The following RPN1 variants were observed in gnomAD, a reference collection of about 807,000 sequenced individuals.
The protein encoded by RPN1 is ribophorin I.
Under a neutral mutation model 55.5 loss-of-function variants are expected in RPN1, and 12 were observed. That is an observed-to-expected ratio of 0.22 (90% CI 0.14 to 0.35). RPN1 has a LOEUF of 0.35. Ranked by LOEUF, RPN1 falls within the 10% of genes least tolerant of loss-of-function variation. The pLI, the probability that RPN1 is intolerant of heterozygous loss-of-function variation, is 1.00. For synonymous variants in RPN1, 317 were observed against 305.9 expected (o/e 1.04, Z -0.38); for missense variants, 679 against 761.3 (o/e 0.89, Z 1.27).
intron 8 of RPN1, among the ~76,000 whole-genome samples, chr3:128,624,875 A>G (rs768662606): frequency 6.6e-6 from 1 of 151,738 alleles, no homozygotes; most frequent in Non-Finnish European, 1.5e-5. Flanking sequence ...CACATTCCAC[A>G]GTCCTCAAGC....
At chr3:128,645,690 G>A (rs183530766) in intron 1 of RPN1, among the ~76,000 whole-genome samples, 5 of 151,790 alleles carry the variant, frequency 3.3e-5, no homozygotes, top group Admixed American at 1.3e-4. Context: ...GGTGGCGCTC[G>A]CCTGTTGTCC....
chr3:128,636,392 C>T (rs1362311947), intron 3 of RPN1, among the ~76,000 whole-genome samples: 2 of 151,354 alleles, frequency 1.3e-5, no homozygotes, highest in Non-Finnish European at 2.9e-5. Context: ...ACCCAGGAGG[C>T]AGAGGTTGCG....
intron 2 of RPN1, 123 bp downstream of exon 2, chr3:128,644,795 CA>C (rs146448705): frequency 2.4e-3 from 1,315 of 540,344 alleles, no homozygotes; most frequent in South Asian, 3.2e-3. Flanking sequence ...CTCCTCTCTA[CA>C]AAAAAAAAAC....
rs1560019061 is a variant in RPN1 at position 128,620,215 on chromosome 3, A to ATTT, written c.*195_*196insAAA. 22 of 264,372 alleles carry ATTT rather than the reference A, an allele frequency of 8.3e-5. No individual in the cohort carries two copies. Among genetic ancestry groups the ATTT allele is most frequent in the African/African-American group, 5.1e-4 (22 of 42,922 alleles). 16.4% of individuals were successfully genotyped at this position (264,372 alleles called of 1,614,324 possible). A position where few individuals can be genotyped will look rare whatever the true frequency, so the allele number is the denominator to read the frequency against. ...GTTTTTTTAAAGTTTTCTTTTTTTA[A>ATTT]AAAAAAAAAAAAAGAAAGTTAAGGA... On this transcript the variant is annotated 3_prime_UTR_variant, in exon 10 of 10. Transcript: ENST00000296255.
At chr3:128,646,667 CA>C (rs879847105) in intron 1 of RPN1, among the ~76,000 whole-genome samples, 1 of 149,442 alleles carries the variant, frequency 6.7e-6, no homozygotes, top group Non-Finnish European at 1.5e-5. Flanking sequence ...GCCTGGGCGA[CA>C]AGAGTGAAAC....
chr3:128,626,164 A>G, intron 6 of RPN1, 152 bp from the exon 7 acceptor site: 3 of 752,336 alleles, frequency 4.0e-6, no homozygotes, highest in African/African-American at 1.8e-5. Context: ...GAGAACACCC[A>G]CTCTCTTGAG....
intron 1 of RPN1, among the ~76,000 whole-genome samples, chr3:128,648,389 G>A (rs1173445700): frequency 6.6e-6 from 1 of 151,126 alleles, no homozygotes; most frequent in Non-Finnish European, 1.5e-5. Flanking sequence ...GCAAGACTCT[G>A]CATCAAAAAA....
intron 2 of RPN1, chr3:128,644,447 C>T (rs1056501006): frequency 3.3e-6 from 1 of 303,366 alleles, no homozygotes; most frequent in African/African-American, 2.2e-5. Flanking sequence ...AGTTCAAGAC[C>T]AGCCTGGGTG....
chr3:128,649,992 A>ATG (rs2069803422), intron 1 of RPN1, among the ~76,000 whole-genome samples: 1 of 152,226 alleles, frequency 6.6e-6, no homozygotes, highest in African/African-American at 2.4e-5. Context: ...ATGGTTCTCT[A>ATG]TGTCTAGAAA....
At chr3:128,644,742 T>G (rs2069753995) in intron 2 of RPN1, 177 bp downstream of exon 2, 2 of 649,114 alleles carry the variant, frequency 3.1e-6, no homozygotes, top group Non-Finnish European at 5.6e-6. Flanking sequence ...AAGGATGGCT[T>G]GAGCTCAGGA....
Position 128,622,322 on chromosome 3 carries a change from G to T in RPN1, c.1483C>A (p.His495Asn), listed in dbSNP as rs2069566358. 1.3e-5 allele frequency: 21 copies of T among 1,614,244 alleles called. No homozygotes were observed. The highest frequency in any genetic ancestry group is 1.6e-5 in the Non-Finnish European group (19 of 1,180,052). Residue 495 changes from histidine to asparagine, a missense_variant, in exon 9 of 10, where the codon CAC becomes AAC. His to Asn is a moderately conservative substitution (Grantham distance 68). Around this residue, in one of 3 missense-constraint regions of RPN1, gnomAD observed 306 missense variants for 360.0 expected, o/e 0.85. Transcript: ENST00000296255. ...TACCTATTGACGGTCTCGTCAAAGT[G>T]ACGGTAAAGGCCTATTCTCTTGTTG... ...LVNKRIGLYR[H>N]FDETVNRYKQ...
intron 2 of RPN1, among the ~76,000 whole-genome samples, chr3:128,639,455 G>GAAAAAAAA (rs370062932): frequency 1.2e-5 from 1 of 81,738 alleles, no homozygotes; most frequent in Admixed American, 1.3e-4. Context: ...ACCGTCTCAA[G>GAAAAAAAA]AAAAAAAAAA....
In RPN1 at chr3:128,631,952, A is replaced by G; in HGVS notation, c.839T>C (p.Phe280Ser). Residue 280 changes from phenylalanine to serine, a missense_variant, in exon 4 of 10, where the codon TTT (phenylalanine) becomes TCT (serine). Transcript: ENST00000296255. ...TCCAAGTTGAACATTCCATACCTTA[A>G]AAGAACGGATGGAGGATATTCCACT... Reference protein sequence around the residue: ...PDSGISSIRSFKTILPAAAQD... With the variant: ...PDSGISSIRSSKTILPAAAQD... 2 of 1,614,086 alleles carry G rather than the reference A, an allele frequency of 1.2e-6. No individual in the cohort carries two copies. The highest frequency in any genetic ancestry group is 1.7e-6 in the Non-Finnish European group (2 of 1,179,960).
Position 128,646,053 on chromosome 3 carries a change from G to A in RPN1, c.262-1070C>T, listed in dbSNP as rs529583682. On this transcript the variant is annotated intron_variant, in intron 1 of 9. Coordinates refer to ENST00000296255, the MANE Select transcript of RPN1 (RefSeq NM_002950.4). ...AGGTCAGGAGTTCAAGACCAGTCTG[G>A]CCAATATAGTGAAACCCCATCTCTA... is the stretch of plus-strand genomic sequence containing the variant. 4.0e-5 allele frequency among the ~76,000 whole-genome samples: 6 copies of A among 151,732 alleles called. No homozygotes were observed. In the East Asian group the frequency reaches 7.8e-4, roughly 20 times the overall value.
At chr3:128,622,051 C>G (rs781631181) in intron 9 of RPN1, 113 bp downstream of exon 9, 2 of 1,068,624 alleles carry the variant, frequency 1.9e-6, no homozygotes, top group African/African-American at 3.1e-5. Flanking sequence ...CAGATGCAGT[C>G]TTATCCCACA....
At chr3:128,640,697 T>G (rs542728681) in intron 2 of RPN1, among the ~76,000 whole-genome samples, 1 of 152,208 alleles carries the variant, frequency 6.6e-6, no homozygotes, top group Non-Finnish European at 1.5e-5. Context: ...AGGCATCTTC[T>G]GATGCCTCAC....
intron 6 of RPN1, among the ~76,000 whole-genome samples, chr3:128,626,317 T>C (rs1283719535): frequency 3.3e-5 from 5 of 152,220 alleles, no homozygotes. Flanking sequence ...ACAGCTCTCC[T>C]GTACATCCTA....
Position 128,622,362 on chromosome 3 carries a change from C to T in RPN1, c.1443G>A (p.Gln481=), listed in dbSNP as rs1208460120. 5.6e-6 allele frequency: 9 copies of T among 1,614,104 alleles called. No homozygotes were observed. The highest frequency in any genetic ancestry group is 7.6e-6 in the Non-Finnish European group (9 of 1,180,042). ...ARMKVACITE[Q]VLTLVNKRIG... is the part of the protein sequence containing the mutation. ...TTCTCTTGTTGACCAGGGTCAAGACCTGCTCTGTGATGCAGGCTACCTTCA... is the reference window on the plus strand; with the variant it reads ...TTCTCTTGTTGACCAGGGTCAAGACTTGCTCTGTGATGCAGGCTACCTTCA... The change falls in exon 9 of 10, where the codon CAG becomes CAA. Residue 481 remains glutamine, a synonymous_variant. Coordinates refer to ENST00000296255, the MANE Select transcript of RPN1 (RefSeq NM_002950.4).
Position 128,632,093 on chromosome 3 carries a change from A to G in RPN1, c.698T>C (p.Val233Ala). 1 of 1,614,104 alleles carries G rather than the reference A, an allele frequency of 6.2e-7. No individual in the cohort carries two copies. Among genetic ancestry groups the G allele is most frequent in the Non-Finnish European group, 8.5e-7 (1 of 1,180,028 alleles). Residue 233 changes from valine (V) to alanine (A), a missense_variant, in exon 4 of 10, where the codon GTC (valine) becomes GCC (alanine). Around this residue, in one of 3 missense-constraint regions of RPN1, gnomAD observed 352 missense variants for 352.8 expected, o/e 1.00. Transcript: ENST00000296255. ...ATTACCCCAGTGAGAGACTTCAATG[A>G]CTCGGGTCATGCTGGTGATGGTCAG... is the stretch of plus-strand genomic sequence containing the variant. Reference protein sequence around the residue: ...PFLTITSMTRVIEVSHWGNIA... With the variant: ...PFLTITSMTRAIEVSHWGNIA...
Sources: gnomAD v4.1 joint callset for allele counts (sites outside exome capture counted in the v4.1 genomes callset) on GRCh38, gnomAD v4.1.1 for gene constraint, gnomAD v4.1.1 regional missense constraint, MANE v1.5 for transcripts, NCBI Gene and HGNC (gene_info 2026-07-23, HGNC 2026-07-21) for gene names.